Variants in PREP observed in about 807,000 individuals in gnomAD.
PREP encodes the protein dJ355L5.1 (prolyl endopeptidase).
Under a neutral mutation model 87.6 loss-of-function variants are expected in PREP, and 29 were observed. That is an observed-to-expected ratio of 0.33 (90% CI 0.25 to 0.45). PREP has a LOEUF of 0.45. Ranked by LOEUF, PREP falls within the 20% of genes least tolerant of loss-of-function variation. The pLI is 1.00. For missense variants in PREP, 695 were observed against 886.5 expected (o/e 0.78, Z 2.74); for synonymous variants, 337 against 328.6 (o/e 1.03, Z -0.28).
At chr6:105,345,454 T>A (rs1771771119) in intron 7 of PREP, among the ~76,000 whole-genome samples, 1 of 152,220 alleles carries the variant, frequency 6.6e-6, no homozygotes, top group Non-Finnish European at 1.5e-5. Flanking sequence ...TGTCTTATGC[T>A]TTTCCTAGAG....
At chr6:105,366,851 G>A (rs76769829) in intron 6 of PREP, among the ~76,000 whole-genome samples, 2,097 of 152,238 alleles carry the variant, frequency 0.014, 44 homozygotes, top group African/African-American at 0.048. Context: ...ACTGTAAGAC[G>A]ACATGTGTAT....
chr6:105,278,372 G>C lies in PREP; in HGVS notation c.1905C>G (p.Leu635=). The C allele has an allele frequency of 6.2e-7, 1 of 1,614,212 alleles. No homozygotes were observed. The highest frequency in any genetic ancestry group is 8.5e-7 in the Non-Finnish European group (1 of 1,180,002). ...CGCGGTCATCATGGTCAGCAGTGAG[G>C]AGCAGCATGGACGGGTACTGGATGT... ...ADDIQYPSML[L]LTADHDDRVV... is the part of the protein sequence containing the mutation. Residue 635 remains leucine, a synonymous_variant, in exon 15 of 15, where the codon CTC becomes CTG. Transcript: ENST00000652536. This position sits in a 1 kb window ranked among gnomAD's most constrained non-coding sequence, Gnocchi z 4.2.
At position 105,369,268 on chromosome 6, in the gene PREP, AG is replaced by A. The variant is rs1772474738; in HGVS notation, c.596-245del. 7.9e-5 allele frequency among the ~76,000 whole-genome samples: 12 copies of A among 152,258 alleles called. 1 individual carries two copies. On this transcript the variant is annotated intron_variant, in intron 5 of 14. Transcript: ENST00000652536. ...GTATAAATCTAACAAAATATGTGTA[AG>A]ATCTATCTAAGGAAAACTGCAAAAT...
chr6:105,360,014 G>A (rs550983571), intron 6 of PREP, among the ~76,000 whole-genome samples: 2 of 152,240 alleles, frequency 1.3e-5, no homozygotes, highest in South Asian at 2.1e-4. Context: ...GTAAGGCATC[G>A]CTAATATCCT....
chr6:105,288,642 C>A (rs1770237921), intron 11 of PREP, 116 bp downstream of exon 11: 3 of 1,327,894 alleles, frequency 2.3e-6, no homozygotes, highest in Non-Finnish European at 3.1e-6. Flanking sequence ...TAGGTGTGAA[C>A]CCCCACGCCT....
intron 1 of PREP, among the ~76,000 whole-genome samples, chr6:105,398,335 T>C (rs1773339359): frequency 6.6e-6 from 1 of 152,144 alleles, no homozygotes; most frequent in Admixed American, 6.5e-5. Flanking sequence ...ACGTGCTCAT[T>C]CTCCTGTTCC....
chr6:105,385,957 TA>T (rs1346653623), intron 2 of PREP, among the ~76,000 whole-genome samples: 1 of 152,004 alleles, frequency 6.6e-6, no homozygotes, highest in African/African-American at 2.4e-5. Flanking sequence ...CCACCTCTAC[TA>T]AAAATACAAA....
At chr6:105,388,226 C>A (rs1015143817) in intron 2 of PREP, among the ~76,000 whole-genome samples, 1 of 152,206 alleles carries the variant, frequency 6.6e-6, no homozygotes, top group Non-Finnish European at 1.5e-5. Context: ...ACACCCACAG[C>A]TTGGCCAATC....
At position 105,368,952 on chromosome 6, in the gene PREP, A is replaced by G. The variant is rs752719028; in HGVS notation, c.668T>C (p.Ile223Thr). The change falls in exon 6 of 15, where the codon ATT becomes ACT. Residue 223 changes from isoleucine (I) to threonine (T), a missense_variant. Physicochemically the swap from Ile to Thr is moderately conservative, Grantham distance 89 (BLOSUM62 -1). This residue lies in a region of PREP where 517 missense variants were observed against 620.3 expected (regional missense o/e 0.83). Coordinates refer to ENST00000652536, the MANE Select transcript of PREP (RefSeq NM_002726.5). Reference protein sequence around the residue: ...HVLGTDQSEDILCAEFPDEPK... With the variant: ...HVLGTDQSEDTLCAEFPDEPK... Reference sequence around the variant, plus strand: ...TTCATCAGGAAACTCAGCACACAAAATATCTTCTGACTGATCGGTTCCCAA... The same window carrying G: ...TTCATCAGGAAACTCAGCACACAAAGTATCTTCTGACTGATCGGTTCCCAA... The G allele has an allele frequency of 6.2e-7, 1 of 1,614,050 alleles. No individual in the cohort carries two copies. The highest frequency in any genetic ancestry group is 1.7e-5 in the Admixed American group (1 of 60,022).
chr6:105,395,535 A>G (rs1261366699), intron 2 of PREP, among the ~76,000 whole-genome samples: 1 of 152,210 alleles, frequency 6.6e-6, no homozygotes, highest in Non-Finnish European at 1.5e-5. Context: ...TGCCTGGCAC[A>G]TGGTAACCAT....
intron 6 of PREP, among the ~76,000 whole-genome samples, chr6:105,360,703 A>G (rs190598066): frequency 8.0e-4 from 122 of 152,344 alleles, no homozygotes; most frequent in Non-Finnish European, 1.5e-3. Flanking sequence ...CGGACAACTT[A>G]GCATATTCAG....
Position 105,392,109 on chromosome 6 carries a change from A to T in PREP, c.120+5744T>A, listed in dbSNP as rs140404656. Among the ~76,000 whole-genome samples, 189 of 142,910 alleles carry T rather than the reference A, an allele frequency of 1.3e-3. 3 individuals carry two copies. In the East Asian group the frequency reaches 0.03, roughly 23 times the overall value. The allele number at this position is 142,910 out of a possible 152,430, so 93.8% of individuals were successfully genotyped here. A position where few individuals can be genotyped will look rare whatever the true frequency, so the allele number is the denominator to read the frequency against. On this transcript the variant is annotated intron_variant, in intron 2 of 14. Coordinates refer to ENST00000652536, the MANE Select transcript of PREP (RefSeq NM_002726.5). ...ACCCAGGCTGGAGTGCAGTGGCACC[A>T]TCTTGGCTCACTGCAAGCTCTGCCT...
chr6:105,345,840 T>C (rs907022335), intron 7 of PREP, among the ~76,000 whole-genome samples: 5 of 152,182 alleles, frequency 3.3e-5, no homozygotes, highest in African/African-American at 1.2e-4. Context: ...TCGGAAGCTG[T>C]TGAGAAGACT....
At chr6:105,379,687 T>C (rs1236102727) in intron 2 of PREP, among the ~76,000 whole-genome samples, 2 of 152,218 alleles carry the variant, frequency 1.3e-5, no homozygotes, top group Non-Finnish European at 2.9e-5. Flanking sequence ...AACTGGGCTG[T>C]GCTGGGTAGG....
At chr6:105,315,296 T>G (rs991124674) in intron 10 of PREP, among the ~76,000 whole-genome samples, 7 of 152,180 alleles carry the variant, frequency 4.6e-5, no homozygotes, top group Non-Finnish European at 8.8e-5. Context: ...CTTGAGAAGC[T>G]AGAACTACAG....
At chr6:105,331,140 C>G (rs1264681408) in intron 8 of PREP, among the ~76,000 whole-genome samples, 1 of 152,152 alleles carries the variant, frequency 6.6e-6, no homozygotes, top group African/African-American at 2.4e-5. Flanking sequence ...CTTTATGACT[C>G]ATCTCTAGTT....
At chr6:105,364,214 A>C (rs1772324858) in intron 6 of PREP, among the ~76,000 whole-genome samples, 1 of 152,214 alleles carries the variant, frequency 6.6e-6, no homozygotes, top group South Asian at 2.1e-4. Context: ...CTTTAATAGC[A>C]GTTCCAATAA....
At chr6:105,318,144 T>G (rs985648878) in intron 10 of PREP, among the ~76,000 whole-genome samples, 1 of 152,316 alleles carries the variant, frequency 6.6e-6, no homozygotes. Flanking sequence ...CTATTCCTCC[T>G]GTTTCCTTGA....
chr6:105,278,367 G>C lies in PREP; in HGVS notation c.1910C>G (p.Thr637Ser), dbSNP rs149696511. Residue 637 changes from threonine to serine, a missense_variant, in exon 15 of 15, where the codon ACT (threonine) becomes AGT (serine). Thr to Ser is a moderately conservative substitution (Grantham distance 58). Coordinates refer to ENST00000652536, the MANE Select transcript of PREP (RefSeq NM_002726.5). The surrounding 1 kb of genome is among the most constrained non-coding windows in gnomAD (Gnocchi z 4.2). ...GACCACGCGGTCATCATGGTCAGCA[G>C]TGAGGAGCAGCATGGACGGGTACTG... ...DIQYPSMLLL[T>S]ADHDDRVVPL... 38 of 1,614,236 alleles carry C rather than the reference G, an allele frequency of 2.4e-5. No homozygotes were observed. The African/African-American group carries it at 5.1e-4, about 22-fold the overall frequency.
Sources: allele counts gnomAD v4.1 joint callset (sites outside exome capture counted in the v4.1 genomes callset), GRCh38; gene constraint gnomAD v4.1.1; regional missense constraint gnomAD v4.1.1; non-coding constraint Gnocchi (gnomAD v3.1); transcripts MANE v1.5; gene names NCBI Gene and HGNC (gene_info 2026-07-23, HGNC 2026-07-21).